ROBO2: variants seen among roughly 807,000 people sequenced by gnomAD.
ROBO2 encodes roundabout homolog 2.
ROBO2 carries 53 observed loss-of-function variants against 160.8 expected under a neutral mutation model. That is an observed-to-expected ratio of 0.33 (90% CI 0.26 to 0.41). The LOEUF is 0.41. ROBO2 is among the 10% of genes least tolerant of loss of function. ROBO2 has a pLI of 1.00. For synonymous variants in ROBO2, 664 were observed against 611.7 expected (o/e 1.09, Z -1.26); for missense variants, 1,577 against 1,722.4 (o/e 0.92, Z 1.49).
chr3:77,294,260 A>C (rs1260577773), intron 2 of ROBO2, among the ~76,000 whole-genome samples: 1 of 144,692 alleles, frequency 6.9e-6, no homozygotes, highest in Non-Finnish European at 1.5e-5. Context: ...TTGATGGTTA[A>C]ACGGGAAGTT....
intron 2 of ROBO2, among the ~76,000 whole-genome samples, chr3:76,105,698 ATTAGAAGGAG>A (rs933791498): frequency 6.6e-6 from 1 of 152,128 alleles, no homozygotes; most frequent in African/African-American, 2.4e-5. Flanking sequence ...CTACACGTTC[ATTAGAAGGAG>A]AGAACACTTG....
chr3:77,297,023 T>G lies in ROBO2; in HGVS notation c.389-180391T>G, dbSNP rs560253216. ...GGATTTTTTGAAATTAAGTTGTTCATGGAGAAACTAAAAATTTTTTTTTTT... is the reference window on the plus strand; with the variant it reads ...GGATTTTTTGAAATTAAGTTGTTCAGGGAGAAACTAAAAATTTTTTTTTTT... On this transcript the variant is annotated intron_variant, in intron 2 of 25. Coordinates refer to ENST00000461745, the Ensembl canonical transcript of ROBO2. Among the ~76,000 whole-genome samples, 3 of 149,846 alleles carry G rather than the reference T, an allele frequency of 2.0e-5. No homozygotes were observed. In the South Asian group the frequency reaches 6.3e-4, roughly 32 times the overall value.
Position 76,581,222 on chromosome 3 carries a change from A to G in ROBO2, c.110-516792A>G, listed in dbSNP as rs372822172. Among the ~76,000 whole-genome samples, 41 of 152,304 alleles carry G rather than the reference A, an allele frequency of 2.7e-4. 2 individuals carry two copies. Among genetic ancestry groups the G allele is most frequent in the South Asian group, 2.5e-3 (12 of 4,824 alleles). The stretch of plus-strand genomic sequence containing the variant: ...GCTGATTTGTATAGTATAAGTTTGT[A>G]TTCAAGTGAAGAAAAAGCTTGTGAT... On this transcript the variant is annotated intron_variant, in intron 2 of 26. Coordinates refer to the ROBO2 transcript ENST00000487694.
chr3:77,298,674 G>A (rs1048038326), intron 2 of ROBO2, among the ~76,000 whole-genome samples: 1 of 152,142 alleles, frequency 6.6e-6, no homozygotes, highest in Non-Finnish European at 1.5e-5. Context: ...GTTATCCTCA[G>A]CAGAGCCGTG....
intron 2 of ROBO2, among the ~76,000 whole-genome samples, chr3:76,601,422 G>C (rs775757622): frequency 5.3e-5 from 8 of 152,142 alleles, no homozygotes; most frequent in Non-Finnish European, 7.3e-5. Context: ...CTTTAGCCTG[G>C]GCATCCAGGC....
intron 5 of ROBO2, among the ~76,000 whole-genome samples, chr3:77,508,095 T>C (rs904758894): frequency 6.6e-6 from 1 of 151,766 alleles, no homozygotes; most frequent in African/African-American, 2.4e-5. Context: ...CTTATATGAA[T>C]GTAGAAAGAA....
intron 2 of ROBO2, among the ~76,000 whole-genome samples, chr3:76,247,687 C>T (rs563576902): frequency 1.3e-4 from 20 of 152,154 alleles, no homozygotes; most frequent in South Asian, 2.1e-4. Flanking sequence ...TTCTTCAACT[C>T]GCATCTTAAA....
chr3:76,843,227 T>C (rs2068459127), intron 2 of ROBO2, among the ~76,000 whole-genome samples: 1 of 149,948 alleles, frequency 6.7e-6, no homozygotes, highest in African/African-American at 2.4e-5. Flanking sequence ...TTATAACAAA[T>C]ATATTTATTT....
chr3:77,492,682 C>T (rs1203596358), intron 4 of ROBO2, among the ~76,000 whole-genome samples: 1 of 152,022 alleles, frequency 6.6e-6, no homozygotes, highest in Non-Finnish European at 1.5e-5. Flanking sequence ...ATCAGGTAGA[C>T]ATCTTTCCAT....
chr3:77,482,186 C>G (rs1170463050), intron 4 of ROBO2, among the ~76,000 whole-genome samples: 1 of 151,962 alleles, frequency 6.6e-6, no homozygotes. Flanking sequence ...TTTTTAGGAG[C>G]AAAAATATCA....
At chr3:77,546,656 C>T (rs1200975418) in intron 7 of ROBO2, among the ~76,000 whole-genome samples, 194 bp downstream of exon 8, 1 of 152,088 alleles carries the variant, frequency 6.6e-6, no homozygotes, top group Non-Finnish European at 1.5e-5. Flanking sequence ...TAGTATTAAT[C>T]TTTTCAAAAT....
intron 2 of ROBO2, among the ~76,000 whole-genome samples, chr3:77,357,230 AGGACCTTTATGAGATGCT>A (rs1377920368): frequency 1.3e-5 from 2 of 152,170 alleles, no homozygotes; most frequent in Non-Finnish European, 2.9e-5. Context: ...GTTGAGAGGT[AGGACCTTTATGAGATGCT>A]TCTCATTTCT....
chr3:76,797,825 A>G (rs887117877), intron 2 of ROBO2, among the ~76,000 whole-genome samples: 1 of 151,968 alleles, frequency 6.6e-6, no homozygotes, highest in Non-Finnish European at 1.5e-5. Context: ...CCTAAAAGAA[A>G]TGGGTAAATT....
At chr3:77,293,710 A>G (rs2061618828) in intron 2 of ROBO2, among the ~76,000 whole-genome samples, 3 of 142,094 alleles carry the variant, frequency 2.1e-5, no homozygotes, top group Middle Eastern at 3.7e-3. Context: ...AACAGTAAAG[A>G]CATAAAGTAA....
chr3:76,254,759 A>G (rs1706253123), intron 2 of ROBO2, among the ~76,000 whole-genome samples: 1 of 151,760 alleles, frequency 6.6e-6, no homozygotes, highest in African/African-American at 2.4e-5. Flanking sequence ...GAGAGAGAAC[A>G]AATAAAACTG....
At chr3:76,101,207 A>T (rs2069669096) in intron 2 of ROBO2, among the ~76,000 whole-genome samples, 1 of 152,142 alleles carries the variant, frequency 6.6e-6, no homozygotes, top group Non-Finnish European at 1.5e-5. Flanking sequence ...CAAAGGAATT[A>T]TTATTGTTTT....
intron 1 of ROBO2, among the ~76,000 whole-genome samples, chr3:77,056,277 A>T (rs958396661): frequency 3.3e-5 from 5 of 152,158 alleles, no homozygotes; most frequent in Non-Finnish European, 5.9e-5. Flanking sequence ...TTGTGTAAAA[A>T]CTTGTCCCCC....
chr3:76,734,198 A>T (rs1046570959), intron 2 of ROBO2, among the ~76,000 whole-genome samples: 1 of 152,194 alleles, frequency 6.6e-6, no homozygotes, highest in African/African-American at 2.4e-5. Context: ...TTAGAATTCT[A>T]CTAATTTATC....
At chr3:76,843,292 G>A (rs553325028) in intron 2 of ROBO2, among the ~76,000 whole-genome samples, 1 of 151,476 alleles carries the variant, frequency 6.6e-6, no homozygotes, top group African/African-American at 2.4e-5. Context: ...ATATGTATCT[G>A]ATGCTGTTCA....
Sources: allele counts gnomAD v4.1 joint callset (sites outside exome capture counted in the v4.1 genomes callset), GRCh38; gene constraint gnomAD v4.1.1; transcripts MANE v1.5; gene names NCBI Gene and HGNC (gene_info 2026-07-23, HGNC 2026-07-21).